Variants in CORO2B observed in about 807,000 individuals in gnomAD.
The protein encoded by CORO2B is coronin 2B.
Under a neutral mutation model 58.8 loss-of-function variants are expected in CORO2B, and 26 were observed. The observed-to-expected ratio is 0.44, with a 90% CI of 0.32 to 0.61. The LOEUF is 0.61. Ranked by LOEUF, CORO2B falls within the 20% of genes least tolerant of loss-of-function variation. CORO2B has a pLI of 0.04. For missense variants in CORO2B, 460 were observed against 645.1 expected (o/e 0.71, Z 3.11); for synonymous variants, 242 against 253.8 (o/e 0.95, Z 0.44).
At chr15:68,518,761 G>C in the CORO2B span, among the ~76,000 whole-genome samples, 14 of 152,116 alleles carry the variant, frequency 9.2e-5, no homozygotes, top group Admixed American at 9.2e-4. Flanking sequence ...CTGATGGAGA[G>C]GGGGTGGGGG....
At chr15:68,636,312 G>A (rs980714037) in intron 1 of CORO2B, among the ~76,000 whole-genome samples, 1 of 152,176 alleles carries the variant, frequency 6.6e-6, no homozygotes, top group Non-Finnish European at 1.5e-5. Context: ...GGTGGCTACA[G>A]CCTTCTCCTT....
At chr15:68,589,899 C>A (rs1439789091) in intron 1 of CORO2B, among the ~76,000 whole-genome samples, 1 of 152,194 alleles carries the variant, frequency 6.6e-6, no homozygotes, top group Non-Finnish European at 1.5e-5. Context: ...CATCAGGCTG[C>A]GGCTGCCCAG....
chr15:68,714,695 C>G (rs1259248705), intron 7 of CORO2B, 32 bp downstream of exon 7: 1 of 1,541,110 alleles, frequency 6.5e-7, no homozygotes, highest in Admixed American at 1.7e-5. Flanking sequence ...CCCGGGGCAG[C>G]CTGTGGGAGA....
chr15:68,622,031 G>A (rs1168578033), intron 1 of CORO2B, among the ~76,000 whole-genome samples: 2 of 152,112 alleles, frequency 1.3e-5, no homozygotes, highest in East Asian at 3.8e-4. Context: ...GTGATCTCCC[G>A]ATCCAAAGTG....
In CORO2B at chr15:68,726,215, C is replaced by T. The variant is rs780214715; in HGVS notation, c.*241C>T. On this transcript the variant is annotated 3_prime_UTR_variant, in exon 12 of 12. Transcript: ENST00000261861. Reference sequence around the variant, plus strand: ...GCCCCTTTCCCTGCCACCCCAGGAGCCAGGCTTCCCCTCAGCTGGGTGAAG... The same window carrying T: ...GCCCCTTTCCCTGCCACCCCAGGAGTCAGGCTTCCCCTCAGCTGGGTGAAG... The T allele has an allele frequency of 4.1e-6, 2 of 486,806 alleles. No homozygotes were observed. Among genetic ancestry groups the T allele is most frequent in the East Asian group, 4.4e-5 (1 of 22,868 alleles). The allele number at this position is 486,806 out of a possible 1,614,324, so 30.2% of individuals were successfully genotyped here.
the CORO2B span, among the ~76,000 whole-genome samples, chr15:68,532,467 G>T: frequency 6.6e-6 from 1 of 151,780 alleles, no homozygotes; most frequent in Non-Finnish European, 1.5e-5. Flanking sequence ...GTATTTTTTT[G>T]TCTCTAGTAA....
the CORO2B span, among the ~76,000 whole-genome samples, chr15:68,543,741 C>T: frequency 6.6e-6 from 1 of 152,076 alleles, no homozygotes; most frequent in Non-Finnish European, 1.5e-5. Context: ...TCCAGTCCTC[C>T]CCCAACACAG....
chr15:68,716,960 T>C (rs1005939312), intron 8 of CORO2B, among the ~76,000 whole-genome samples: 3 of 152,070 alleles, frequency 2.0e-5, no homozygotes, highest in African/African-American at 7.2e-5. Flanking sequence ...AGGGTTCTTT[T>C]TCTTGAGTGG....
chr15:68,601,574 G>A (rs1899983940), intron 1 of CORO2B, among the ~76,000 whole-genome samples: 1 of 152,188 alleles, frequency 6.6e-6, no homozygotes, highest in African/African-American at 2.4e-5. Context: ...ACACAGTGTC[G>A]GGGCATCAGA....
At chr15:68,705,993 T>TA (rs2140322778) in intron 3 of CORO2B, among the ~76,000 whole-genome samples, 1 of 152,252 alleles carries the variant, frequency 6.6e-6, no homozygotes, top group Admixed American at 6.5e-5. Context: ...TACCCTGGCA[T>TA]AGGTGTAACC....
intron 2 of CORO2B, among the ~76,000 whole-genome samples, chr15:68,685,135 C>T (rs1405207765): frequency 1.3e-5 from 2 of 152,202 alleles, no homozygotes; most frequent in Non-Finnish European, 2.9e-5. Context: ...TGCTCATCAC[C>T]TAATGTGACT....
intron 3 of CORO2B, 41 bp downstream of exon 3, chr15:68,695,297 C>A: frequency 6.9e-7 from 1 of 1,459,280 alleles, no homozygotes; most frequent in Non-Finnish European, 9.6e-7. Context: ...GGGCTCAGGC[C>A]CCTCCCTGCT....
intron 2 of CORO2B, among the ~76,000 whole-genome samples, chr15:68,692,400 C>T (rs998067746): frequency 5.9e-5 from 9 of 152,052 alleles, no homozygotes; most frequent in African/African-American, 1.9e-4. Flanking sequence ...GCCCAGCCAA[C>T]ACAGGGAAAC....
At chr15:68,647,723 T>C (rs896030385) in intron 2 of CORO2B, among the ~76,000 whole-genome samples, 1 of 140,590 alleles carries the variant, frequency 7.1e-6, no homozygotes, top group Admixed American at 7.2e-5. Flanking sequence ...AAGAAGGGAC[T>C]GGGGCCAGGT....
intron 1 of CORO2B, among the ~76,000 whole-genome samples, chr15:68,583,580 A>G (rs201925781): frequency 1.1e-3 from 164 of 152,274 alleles, no homozygotes; most frequent in African/African-American, 3.8e-3. Context: ...AGATGGAAGA[A>G]GCATTGCGGG....
chr15:68,579,331 G>T, intron 1 of CORO2B, 54 bp downstream of exon 1: 1 of 1,249,538 alleles, frequency 8.0e-7, no homozygotes, highest in Non-Finnish European at 1.0e-6. Context: ...GCATCCCCCG[G>T]GCTAGGCTGC....
intron 1 of CORO2B, among the ~76,000 whole-genome samples, chr15:68,609,748 T>C (rs1900204873): frequency 6.6e-6 from 1 of 152,220 alleles, no homozygotes; most frequent in South Asian, 2.1e-4. Flanking sequence ...TGGAAGGCCG[T>C]TGCTCTGGCT....
Position 68,713,953 on chromosome 15 carries a change from A to T in CORO2B, c.677A>T (p.Asn226Ile). 6.2e-7 allele frequency: 1 copy of T among 1,614,094 alleles called. No individual in the cohort carries two copies. ...GCCAACTGCAAAAACCACAGAGTGA[A>T]CCGGGTGGTGTTCCTGGGGAACATG... ...QEANCKNHRV[N>I]RVVFLGNMKR... Residue 226 changes from asparagine to isoleucine, a missense_variant, in exon 6 of 12, where the codon AAC (asparagine) becomes ATC (isoleucine). Asn to Ile is a moderately radical substitution (Grantham distance 149, BLOSUM62 -3). Transcript: ENST00000261861.
At chr15:68,540,834 C>T in the CORO2B span, among the ~76,000 whole-genome samples, 2 of 152,104 alleles carry the variant, frequency 1.3e-5, no homozygotes, top group African/African-American at 2.4e-5. Flanking sequence ...CCCTAATTCA[C>T]GCTAAAAGCA....
Sources: gnomAD v4.1 joint callset for allele counts (sites outside exome capture counted in the v4.1 genomes callset) on GRCh38, gnomAD v4.1.1 for gene constraint, MANE v1.5 for transcripts, NCBI Gene and HGNC (gene_info 2026-07-23, HGNC 2026-07-21) for gene names.